SH3D19: variants seen among roughly 807,000 people sequenced by gnomAD.
SH3D19 encodes the protein SH3 domain containing 19.
SH3D19 carries 58 observed loss-of-function variants against 112.1 expected under a neutral mutation model. The ratio of observed to expected loss-of-function variants is 0.52; its 90% CI spans 0.42 to 0.64. SH3D19 has a LOEUF of 0.64. Among genes scored for constraint, SH3D19 ranks in the 30% least tolerant of loss-of-function variants. The pLI is 0.00. For missense variants in SH3D19, 1,090 were observed against 1,263.4 expected (o/e 0.86, Z 2.08); for synonymous variants, 391 against 448.5 (o/e 0.87, Z 1.62).
At chr4:151,141,887 T>A (rs1162745814) in intron 12 of SH3D19, among the ~76,000 whole-genome samples, 2 of 152,162 alleles carry the variant, frequency 1.3e-5, no homozygotes, top group Admixed American at 1.3e-4. Flanking sequence ...AGGGAGGGGA[T>A]AATTTGTGCC....
chr4:151,241,583 A>ATAAATATTATAAACAT (rs1429999461), intron 1 of SH3D19, among the ~76,000 whole-genome samples: 3,726 of 150,890 alleles, frequency 0.025, 189 homozygotes, highest in African/African-American at 0.087. Flanking sequence ...TTATTTATTT[A>ATAAATATTATAAACAT]AGACAGGGAC....
At chr4:151,280,480 T>G (rs964296264) in intron 1 of SH3D19, among the ~76,000 whole-genome samples, 25 of 152,244 alleles carry the variant, frequency 1.6e-4, no homozygotes, top group African/African-American at 6.0e-4. Context: ...GGTACTCAAC[T>G]AAGTCACACC....
At chr4:151,261,096 G>T (rs560754005) in intron 1 of SH3D19, 9 of 152,096 alleles carry the variant, frequency 5.9e-5, no homozygotes, top group African/African-American at 1.9e-4. Flanking sequence ...CGGCCAGATT[G>T]TATCTATTTT....
chr4:151,221,758 A>C (rs1016797382), intron 2 of SH3D19, among the ~76,000 whole-genome samples: 2 of 152,226 alleles, frequency 1.3e-5, no homozygotes, highest in African/African-American at 4.8e-5. Flanking sequence ...AGTATAAATA[A>C]GAGATTAAAA....
chr4:151,293,037 T>C (rs1359269019), intron 1 of SH3D19, among the ~76,000 whole-genome samples: 3 of 150,826 alleles, frequency 2.0e-5, no homozygotes, highest in African/African-American at 7.3e-5. Flanking sequence ...GGAGAATCAC[T>C]TGAACTCAGG....
chr4:151,283,022 G>T (rs1276352251), intron 1 of SH3D19: 2 of 1,108,172 alleles, frequency 1.8e-6, no homozygotes, highest in Non-Finnish European at 1.3e-6. Context: ...GCTGCTTTTG[G>T]ATTCCCATTC....
intron 3 of SH3D19, among the ~76,000 whole-genome samples, chr4:151,182,836 G>C (rs1014489107): frequency 6.6e-6 from 1 of 152,088 alleles, no homozygotes; most frequent in African/African-American, 2.4e-5. Context: ...CAGGAAAATC[G>C]AATTTGCCAG....
chr4:151,173,105 T>A (rs552830449), intron 7 of SH3D19, among the ~76,000 whole-genome samples: 2 of 152,348 alleles, frequency 1.3e-5, no homozygotes, highest in South Asian at 2.1e-4. Context: ...ACTATAATTA[T>A]CTGCTAGATG....
chr4:151,176,549 T>G lies in SH3D19; in HGVS notation c.514A>C (p.Asn172His). 4.9e-6 allele frequency: 6 copies of G among 1,232,200 alleles called. No individual in the cohort carries two copies. The highest frequency in any genetic ancestry group is 6.1e-6 in the Non-Finnish European group (6 of 987,972). 76.3% of individuals were successfully genotyped at this position (1,232,200 alleles called of 1,614,324 possible). The change falls in exon 6 of 20, where the codon AAC (asparagine) becomes CAC (histidine). Residue 172 changes from asparagine to histidine, a missense_variant. Transcript: ENST00000604030. ...CTTGCATTACTTTGAGGCAGATCGT[T>G]GTCTATTTCTTCTGAAAAGTCAGTC... Reference protein sequence around the residue: ...TQTDFSEEIDNDLPQTLQAPL... With the variant: ...TQTDFSEEIDHDLPQTLQAPL...
intron 2 of SH3D19, among the ~76,000 whole-genome samples, chr4:151,188,776 C>A (rs1375521303): frequency 6.6e-6 from 1 of 152,204 alleles, no homozygotes; most frequent in Non-Finnish European, 1.5e-5. Flanking sequence ...CAGGTTGAAG[C>A]ATATCCTCCC....
chr4:151,192,245 G>A (rs1160358461), intron 2 of SH3D19, among the ~76,000 whole-genome samples: 2 of 152,294 alleles, frequency 1.3e-5, no homozygotes, highest in Non-Finnish European at 2.9e-5. Flanking sequence ...CAAGAGTACA[G>A]AATCTGTAGT....
chr4:151,304,666 A>T (rs1348047171), intron 1 of SH3D19, among the ~76,000 whole-genome samples: 1 of 152,174 alleles, frequency 6.6e-6, no homozygotes, highest in Non-Finnish European at 1.5e-5. Context: ...CAATAAGCTA[A>T]CCAAAAAGGT....
At chr4:151,144,247 A>T (rs141716968) in intron 11 of SH3D19, 197 bp from the exon 12 acceptor site, 1 of 1,613,966 alleles carries the variant, frequency 6.2e-7, no homozygotes, top group African/African-American at 1.3e-5. Context: ...CGGGGTTTTG[A>T]GAGACAATAT....
intron 2 of SH3D19, among the ~76,000 whole-genome samples, chr4:151,193,226 C>A (rs1268964520): frequency 6.6e-6 from 1 of 151,606 alleles, no homozygotes; most frequent in Non-Finnish European, 1.5e-5. Flanking sequence ...TCACTGTATG[C>A]ACATCTTATC....
chr4:151,221,108 G>A (rs1448667655), intron 2 of SH3D19, among the ~76,000 whole-genome samples: 2 of 152,160 alleles, frequency 1.3e-5, no homozygotes, highest in Admixed American at 6.5e-5. Context: ...AACTTGACAA[G>A]AATTATGTTT....
At chr4:151,190,618 T>C (rs11099790) in intron 2 of SH3D19, among the ~76,000 whole-genome samples, 127,044 of 152,212 alleles carry the variant, frequency 0.83, 54,585 homozygotes, top group Non-Finnish European at 0.95. Flanking sequence ...GCAGCTTCCA[T>C]GTGGTGTTGA....
intron 1 of SH3D19, among the ~76,000 whole-genome samples, chr4:151,245,909 A>G (rs896703897): frequency 1.3e-5 from 2 of 152,124 alleles, no homozygotes; most frequent in African/African-American, 4.8e-5. Flanking sequence ...GCCTGGGTTT[A>G]TGAGTCTTTT....
At chr4:151,279,153 C>A in intron 1 of SH3D19, 1 of 421,654 alleles carries the variant, frequency 2.4e-6, no homozygotes, top group Admixed American at 2.7e-5. Context: ...AGCATCTTGG[C>A]CATCTACAAC....
At chr4:151,182,282 C>A (rs2149839929) in intron 3 of SH3D19, among the ~76,000 whole-genome samples, 1 of 152,278 alleles carries the variant, frequency 6.6e-6, no homozygotes, top group Non-Finnish European at 1.5e-5. Flanking sequence ...AGCCACTATG[C>A]CTGGCCTGTC....
Sources: allele counts gnomAD v4.1 joint callset (sites outside exome capture counted in the v4.1 genomes callset), GRCh38; gene constraint gnomAD v4.1.1; transcripts MANE v1.5; gene names NCBI Gene and HGNC (gene_info 2026-07-23, HGNC 2026-07-21).